SEMA5A: variants seen among roughly 807,000 people sequenced by gnomAD.
SEMA5A encodes the protein semaphorin-5A.
Under a neutral mutation model 135.5 loss-of-function variants are expected in SEMA5A, and 55 were observed. The observed-to-expected ratio is 0.41, with a 90% CI of 0.33 to 0.51. The LOEUF is 0.51. SEMA5A is among the 20% of genes least tolerant of loss of function. The probability of loss-of-function intolerance (pLI) is 0.37; values close to 1 mark genes in which losing one functional copy is unlikely to be tolerated. For missense variants in SEMA5A, 1,290 were observed against 1,419.9 expected (o/e 0.91, Z 1.47); for synonymous variants, 580 against 546.5 (o/e 1.06, Z -0.85).
intron 3 of SEMA5A, among the ~76,000 whole-genome samples, chr5:9,377,850 A>G (rs1755429932): frequency 1.3e-5 from 2 of 152,128 alleles, no homozygotes; most frequent in Non-Finnish European, 2.9e-5. Context: ...TTGGTGCTCA[A>G]AGCATACAGA....
chr5:9,137,765 G>C (rs937004438), intron 12 of SEMA5A, among the ~76,000 whole-genome samples: 5 of 152,210 alleles, frequency 3.3e-5, no homozygotes, highest in African/African-American at 1.2e-4. Context: ...GGTAGCGTAA[G>C]TAAGTAATGA....
At chr5:9,057,065 T>C (rs927763536) in intron 18 of SEMA5A, among the ~76,000 whole-genome samples, 1 of 152,198 alleles carries the variant, frequency 6.6e-6, no homozygotes, top group Non-Finnish European at 1.5e-5. Context: ...AGATCAGGTA[T>C]CTAAAATAGT....
At chr5:9,124,315 A>C (rs1161588059) in intron 13 of SEMA5A, among the ~76,000 whole-genome samples, 1 of 152,302 alleles carries the variant, frequency 6.6e-6, no homozygotes, top group East Asian at 1.9e-4. Flanking sequence ...AAATCTGATA[A>C]GCAAATCTGC....
chr5:9,237,375 C>T (rs1015890449), intron 6 of SEMA5A, among the ~76,000 whole-genome samples: 2 of 151,908 alleles, frequency 1.3e-5, no homozygotes, highest in Non-Finnish European at 2.9e-5. Flanking sequence ...TGTAGATTTT[C>T]GTATGAAAAG....
intron 16 of SEMA5A, among the ~76,000 whole-genome samples, chr5:9,093,740 C>G (rs984135880): frequency 2.6e-5 from 4 of 151,918 alleles, no homozygotes; most frequent in African/African-American, 9.7e-5. Flanking sequence ...TGACTGTGCA[C>G]CCCCATGCCT....
intron 11 of SEMA5A, among the ~76,000 whole-genome samples, chr5:9,158,600 C>T (rs1015367180): frequency 6.6e-6 from 1 of 151,964 alleles, no homozygotes; most frequent in East Asian, 1.9e-4. Context: ...TCAGTGCTGA[C>T]CAGAGGATGC....
chr5:9,404,853 AG>A (rs1178179460), intron 2 of SEMA5A, among the ~76,000 whole-genome samples: 1 of 152,208 alleles, frequency 6.6e-6, no homozygotes, highest in Non-Finnish European at 1.5e-5. Flanking sequence ...TCATGTAAAA[AG>A]GATACTGCCA....
At chr5:9,263,084 G>T (rs556173710) in intron 5 of SEMA5A, among the ~76,000 whole-genome samples, 2 of 150,124 alleles carry the variant, frequency 1.3e-5, no homozygotes. Flanking sequence ...CAAAAAATCG[G>T]TTCAGAATAT....
rs575738776 is a variant in SEMA5A, at chr5:9,246,200, G to A, written c.271-8310C>T. 4.0e-5 allele frequency among the ~76,000 whole-genome samples: 6 copies of A among 151,050 alleles called. No homozygotes were observed. The East Asian group carries it at 7.7e-4, about 19-fold the overall frequency. The stretch of plus-strand genomic sequence containing the variant: ...GGATTGGTTTAAAAAATGGTGCATC[G>A]TCAAATTTGCAAGACTAAATGTAGC... On this transcript the variant is annotated intron_variant, in intron 5 of 22. Transcript: ENST00000382496.
chr5:9,404,009 A>G (rs1756776780), intron 2 of SEMA5A, among the ~76,000 whole-genome samples: 1 of 152,172 alleles, frequency 6.6e-6, no homozygotes, highest in Admixed American at 6.5e-5. Flanking sequence ...ATCTTGGCTC[A>G]CTGCAAACTC....
intron 1 of SEMA5A, among the ~76,000 whole-genome samples, chr5:9,486,671 G>T (rs1465818443): frequency 6.6e-6 from 1 of 151,928 alleles, no homozygotes; most frequent in Non-Finnish European, 1.5e-5. Context: ...AACAGAAATA[G>T]AAATGCATGG....
intron 11 of SEMA5A, among the ~76,000 whole-genome samples, chr5:9,160,237 C>T (rs1385807841): frequency 6.6e-6 from 1 of 152,088 alleles, no homozygotes; most frequent in Non-Finnish European, 1.5e-5. Flanking sequence ...AAGACTTTGT[C>T]TGTCATCCAT....
chr5:9,407,972 T>C (rs1472029153), intron 2 of SEMA5A, among the ~76,000 whole-genome samples: 1 of 139,674 alleles, frequency 7.2e-6, no homozygotes, highest in East Asian at 2.1e-4. Flanking sequence ...TTTACCACTA[T>C]TGCCACCATC....
chr5:9,533,479 T>C (rs1737573181), intron 1 of SEMA5A, among the ~76,000 whole-genome samples: 1 of 152,254 alleles, frequency 6.6e-6, no homozygotes, highest in Non-Finnish European at 1.5e-5. Context: ...GACCATATTG[T>C]ATATTTTAGG....
intron 16 of SEMA5A, among the ~76,000 whole-genome samples, chr5:9,075,150 A>T (rs1737979492): frequency 6.6e-6 from 1 of 152,248 alleles, no homozygotes; most frequent in Admixed American, 6.5e-5. Flanking sequence ...CTAAGTAGAA[A>T]TTAATCCACA....
intron 2 of SEMA5A, among the ~76,000 whole-genome samples, chr5:9,409,754 C>T (rs1052700630): frequency 2.0e-5 from 3 of 152,166 alleles, no homozygotes; most frequent in African/African-American, 4.8e-5. Flanking sequence ...TCGTCAGACA[C>T]GAGGCATTAG....
intron 4 of SEMA5A, among the ~76,000 whole-genome samples, chr5:9,326,400 G>A (rs768558648): frequency 5.3e-5 from 8 of 152,100 alleles, no homozygotes; most frequent in East Asian, 3.9e-4. Flanking sequence ...ACAGGTGCGC[G>A]CCACCATGCC....
chr5:9,080,713 G>A (rs1464172331), intron 16 of SEMA5A, among the ~76,000 whole-genome samples: 2 of 151,976 alleles, frequency 1.3e-5, no homozygotes, highest in Non-Finnish European at 2.9e-5. Context: ...GTGTCCTCAG[G>A]GTCCACAGGT....
chr5:9,085,819 G>A (rs1023636210), intron 16 of SEMA5A, among the ~76,000 whole-genome samples: 14 of 152,158 alleles, frequency 9.2e-5, no homozygotes, highest in Admixed American at 1.3e-4. Context: ...CCATGCACCC[G>A]GAAAAGCCGC....
Sources: gnomAD v4.1 joint callset for allele counts (sites outside exome capture counted in the v4.1 genomes callset) on GRCh38, gnomAD v4.1.1 for gene constraint, MANE v1.5 for transcripts, NCBI Gene and HGNC (gene_info 2026-07-23, HGNC 2026-07-21) for gene names.